The following LRRC37A2 variants were observed in gnomAD, a reference collection of about 807,000 sequenced individuals.
LRRC37A2 encodes the protein leucine rich repeat containing 37 member A2, also known as leucine-rich repeat-containing protein 37A2.
In LRRC37A2, 9 loss-of-function variants were observed where a neutral mutation model predicts 68.8. The ratio of observed to expected loss-of-function variants is 0.13; its 90% CI spans 0.08 to 0.23. The LOEUF is 0.23. Among genes scored for constraint, LRRC37A2 ranks in the 10% least tolerant of loss-of-function variants. The pLI is 1.00. For missense variants in LRRC37A2, 168 were observed against 950.4 expected, an observed-to-expected ratio of 0.18 and a Z score of 10.82; for synonymous variants, 63 against 367.6, an observed-to-expected ratio of 0.17 and a Z score of 9.48.
chr17:46,942,238 A>AC, the LRRC37A2 span, among the ~76,000 whole-genome samples: 122 of 152,334 alleles, frequency 8.0e-4, 1 homozygote, highest in Non-Finnish European at 6.5e-4. Context: ...TACTGTCTCA[A>AC]CCGGGGGGTG....
At chr17:46,708,490 CCTTT>C in the LRRC37A2 span, among the ~76,000 whole-genome samples, 2 of 143,048 alleles carry the variant, frequency 1.4e-5, no homozygotes, top group African/African-American at 5.2e-5. Context: ...TGTTACATAT[CCTTT>C]TTTTTTTTTT....
the LRRC37A2 span, among the ~76,000 whole-genome samples, chr17:46,898,733 T>A: frequency 6.6e-6 from 1 of 152,214 alleles, no homozygotes; most frequent in Non-Finnish European, 1.5e-5. Flanking sequence ...GACAATTGCA[T>A]ATTTCAACAG....
the LRRC37A2 span, among the ~76,000 whole-genome samples, chr17:46,786,465 G>A: frequency 1.3e-5 from 2 of 152,226 alleles, no homozygotes; most frequent in South Asian, 4.1e-4. Context: ...CGGGTAAAAG[G>A]CAGGGACCTC....
At chr17:46,792,598 C>T in the LRRC37A2 span, among the ~76,000 whole-genome samples, 6 of 152,222 alleles carry the variant, frequency 3.9e-5, no homozygotes, top group East Asian at 1.9e-4. Flanking sequence ...CTCAGCCTCC[C>T]GAGTAGCTGG....
the LRRC37A2 span, among the ~76,000 whole-genome samples, chr17:46,844,065 C>T: frequency 2.6e-5 from 4 of 152,168 alleles, no homozygotes; most frequent in African/African-American, 9.7e-5. Context: ...GAAATCCTCC[C>T]ATCTCAGCCT....
the LRRC37A2 span, among the ~76,000 whole-genome samples, chr17:46,975,907 A>AAG: frequency 1.1e-5 from 1 of 94,792 alleles, no homozygotes; most frequent in Non-Finnish European, 2.5e-5. Flanking sequence ...AAGGAAGGAA[A>AAG]GAAAATGATA....
At chr17:46,957,250 A>G in the LRRC37A2 span, among the ~76,000 whole-genome samples, 1 of 152,180 alleles carries the variant, frequency 6.6e-6, no homozygotes, top group East Asian at 1.9e-4. Context: ...GGTTGCAGTG[A>G]GCTGAGTTTA....
the LRRC37A2 span, among the ~76,000 whole-genome samples, chr17:46,908,156 G>T: frequency 6.6e-6 from 1 of 152,028 alleles, no homozygotes; most frequent in Non-Finnish European, 1.5e-5. Context: ...TGAGCCCCCA[G>T]TCCTCCTGTC....
At chr17:46,935,816 G>C in the LRRC37A2 span, 3 of 985,950 alleles carry the variant, frequency 3.0e-6, no homozygotes, top group African/African-American at 5.2e-5. Context: ...CACAGACTCT[G>C]ATGTCAGTCA....
the LRRC37A2 span, among the ~76,000 whole-genome samples, chr17:46,782,709 C>T: frequency 0.011 from 1,640 of 152,272 alleles, 28 homozygotes; most frequent in African/African-American, 0.037. Context: ...CCCATAGTGA[C>T]GAGGCAATCA....
chr17:46,856,964 C>T, the LRRC37A2 span, among the ~76,000 whole-genome samples: 6 of 152,202 alleles, frequency 3.9e-5, no homozygotes, highest in Admixed American at 3.9e-4. Flanking sequence ...CGCTTTCAGT[C>T]ACTATGTGTT....
chr17:46,882,056 C>A, the LRRC37A2 span, among the ~76,000 whole-genome samples: 14 of 152,078 alleles, frequency 9.2e-5, no homozygotes, highest in Admixed American at 7.2e-4. Context: ...TTGGAGAGGC[C>A]GAGGCAGGAA....
At chr17:46,980,699 G>A in the LRRC37A2 span, among the ~76,000 whole-genome samples, 5 of 125,244 alleles carry the variant, frequency 4.0e-5, no homozygotes, top group East Asian at 5.8e-4. Flanking sequence ...CGGGCGTGGT[G>A]GCGGGCGCCT....
chr17:46,713,914 G>A, the LRRC37A2 span: 12 of 1,612,416 alleles, frequency 7.4e-6, no homozygotes, highest in East Asian at 4.5e-5. Flanking sequence ...CCAACTTCCC[G>A]TTCATCAAGA....
the LRRC37A2 span, among the ~76,000 whole-genome samples, chr17:47,014,966 G>A: frequency 4.0e-5 from 6 of 149,390 alleles, no homozygotes; most frequent in East Asian, 2.0e-4. Context: ...TTCCGTAAGC[G>A]TATAATGGAG....
chr17:46,835,685 A>C, the LRRC37A2 span, among the ~76,000 whole-genome samples: 13 of 152,262 alleles, frequency 8.5e-5, no homozygotes, highest in African/African-American at 3.1e-4. Flanking sequence ...TTGTCCCCAA[A>C]GCTCAGGGCT....
At chr17:46,771,507 G>A in the LRRC37A2 span, among the ~76,000 whole-genome samples, 2 of 149,324 alleles carry the variant, frequency 1.3e-5, no homozygotes, top group East Asian at 3.9e-4. Context: ...GGCGGCGGGG[G>A]CGGGGCGGGG....
chr17:47,029,213 A>G, the LRRC37A2 span, among the ~76,000 whole-genome samples: 1 of 151,748 alleles, frequency 6.6e-6, no homozygotes, highest in Non-Finnish European at 1.5e-5. Context: ...TCAGCCTCCC[A>G]AAGTGCTGGG....
At chr17:46,462,659 G>T in the LRRC37A2 span, among the ~76,000 whole-genome samples, 1 of 83,830 alleles carries the variant, frequency 1.2e-5, no homozygotes, top group Admixed American at 1.2e-4. Context: ...GATCAGAGGG[G>T]AGTAATAGGC....
Sources: gnomAD v4.1 joint callset for allele counts (sites outside exome capture counted in the v4.1 genomes callset) on GRCh38, gnomAD v4.1.1 for gene constraint, MANE v1.5 for transcripts, NCBI Gene and HGNC (gene_info 2026-07-23, HGNC 2026-07-21) for gene names.